Variants in PIEZO1 observed in about 807,000 individuals in gnomAD.
PIEZO1 encodes the protein piezo type mechanosensitive ion channel component 1 (Er blood group), also known as piezo-type mechanosensitive ion channel component 1.
In PIEZO1, 296 loss-of-function variants were observed where a neutral mutation model predicts 297.2. The observed-to-expected ratio is 1.00, with a 90% CI of 0.91 to 1.10. The LOEUF (loss-of-function observed/expected upper bound fraction) is 1.10, where lower values mean the gene tolerates loss of function less well. PIEZO1 is among the 50% of genes least tolerant of loss of function. The pLI is 0.00. For synonymous variants in PIEZO1, 2,427 were observed against 1,507.5 expected, an observed-to-expected ratio of 1.61 and a Z score of -14.13; for missense variants, 5,018 against 3,455.5, an observed-to-expected ratio of 1.45 and a Z score of -11.34.
At position 88,721,163 on chromosome 16, in the gene PIEZO1, T is replaced by G; in HGVS notation, c.5668+3A>C. 1 of 1,498,026 alleles carries G rather than the reference T, an allele frequency of 6.7e-7. No individual in the cohort carries two copies. The highest frequency in any genetic ancestry group is 8.9e-7 in the Non-Finnish European group (1 of 1,124,802). 92.8% of individuals were successfully genotyped at this position (1,498,026 alleles called of 1,614,324 possible). A position where few individuals can be genotyped will look rare whatever the true frequency, so the allele number is the denominator to read the frequency against. ...AGGAGGTTGTGAGGCAGGGCGCTTA[T>G]ACCGATGGCTGCCGCTCCTTTCCGT... is the stretch of plus-strand genomic sequence containing the variant. On this transcript the variant is annotated splice_donor_region_variant and intron_variant, in intron 39 of 50. Coordinates refer to ENST00000301015, the MANE Select transcript of PIEZO1 (RefSeq NM_001142864.4).
intron 22 of PIEZO1, among the ~76,000 whole-genome samples, chr16:88,730,671 A>T (rs958676368): frequency 2.7e-5 from 4 of 150,482 alleles, no homozygotes; most frequent in African/African-American, 9.8e-5. Flanking sequence ...GCCTCAAGGG[A>T]TGCTCCTGCC....
rs766662645 is a variant in PIEZO1 at position 88,721,186 on chromosome 16, C to G, written c.5648G>C (p.Arg1883Pro). The G allele has an allele frequency of 6.6e-7, 1 of 1,507,920 alleles. No homozygotes were observed. The highest frequency in any genetic ancestry group is 1.7e-4 in the Middle Eastern group (1 of 5,826). The allele number at this position is 1,507,920 out of a possible 1,614,324, so 93.4% of individuals were successfully genotyped here. The change falls in exon 39 of 51, where the codon CGG becomes CCG. Residue 1883 changes from arginine to proline, a missense_variant. Arg to Pro is a moderately radical substitution (Grantham distance 103). Coordinates refer to ENST00000301015, the MANE Select transcript of PIEZO1 (RefSeq NM_001142864.4). Reference sequence around the variant, plus strand: ...TATACCGATGGCTGCCGCTCCTTTCCGTGCTGGGCCCTCCTTCTTCCTTCT... The same window carrying G: ...TATACCGATGGCTGCCGCTCCTTTCGGTGCTGGGCCCTCCTTCTTCCTTCT... ...FRRRKKEGPARKGAAAIEAED... is the reference protein window; with the variant it reads ...FRRRKKEGPAPKGAAAIEAED...
chr16:88,776,374 C>T (rs1907663951), intron 1 of PIEZO1, among the ~76,000 whole-genome samples: 1 of 151,962 alleles, frequency 6.6e-6, no homozygotes, highest in South Asian at 2.1e-4. Context: ...GCAGAGCTTG[C>T]AGTGAGCCCA....
chr16:88,722,193 G>T, intron 36 of PIEZO1, 25 bp downstream of exon 36: 2 of 1,539,454 alleles, frequency 1.3e-6, no homozygotes, highest in South Asian at 2.4e-5. Flanking sequence ...TGGTGAGGCT[G>T]GTGTTGTGCG....
rs776062059 is a variant in PIEZO1 at position 88,716,132 on chromosome 16, GAGA to G, written c.7130-16_7130-14del. On this transcript the variant is annotated splice_polypyrimidine_tract_variant and intron_variant, in intron 49 of 50. Coordinates refer to ENST00000301015, the MANE Select transcript of PIEZO1 (RefSeq NM_001142864.4). Reference sequence around the variant, plus strand: ...TCGGCCTCCTCATCTGGGATGGAGGGAGAAGATCGTTGAGGCCGCAGGTCACCC... The same window carrying G: ...TCGGCCTCCTCATCTGGGATGGAGGGAGATCGTTGAGGCCGCAGGTCACCC... 6 of 1,537,222 alleles carry G rather than the reference GAGA, an allele frequency of 3.9e-6. No homozygotes were observed. Among genetic ancestry groups the G allele is most frequent in the African/African-American group, 2.7e-5 (2 of 72,842 alleles).
chr16:88,732,578 C>CCCAG, intron 20 of PIEZO1, 29 bp downstream of exon 20: 3 of 1,543,232 alleles, frequency 1.9e-6, no homozygotes, highest in Admixed American at 3.9e-5. Context: ...TACTCGCCCG[C>CCCAG]CCAGCCGCCC....
At chr16:88,723,050 G>A (rs924269674) in intron 33 of PIEZO1, 41 bp from the exon 34 acceptor site, 6 of 1,543,454 alleles carry the variant, frequency 3.9e-6, no homozygotes, top group Non-Finnish European at 5.2e-6. Flanking sequence ...GGCAGCCTGT[G>A]GGGCCAAGAG....
rs761870674 is a variant in PIEZO1, at chr16:88,723,083, G to C, written c.4495+12C>G. The C allele has an allele frequency of 5.8e-6, 9 of 1,546,988 alleles. No homozygotes were observed. The highest frequency in any genetic ancestry group is 2.0e-5 in the Admixed American group (1 of 50,972). On this transcript the variant is annotated intron_variant, in intron 33 of 50. Coordinates refer to ENST00000301015, the MANE Select transcript of PIEZO1 (RefSeq NM_001142864.4). ...GAGAGACCTCCCACTCCCCAGCCCC[G>C]GGCCCACGTACCTGCCGCTGCCTCC...
intron 1 of PIEZO1, among the ~76,000 whole-genome samples, chr16:88,751,657 C>T (rs961030049): frequency 6.7e-5 from 10 of 149,828 alleles, no homozygotes; most frequent in Non-Finnish European, 1.3e-4. Flanking sequence ...AGTTTTTTGA[C>T]GATTATACAT....
At chr16:88,721,090 T>A in intron 39 of PIEZO1, 76 bp downstream of exon 39, 2 of 1,382,042 alleles carry the variant, frequency 1.4e-6, no homozygotes, top group Non-Finnish European at 1.9e-6. Flanking sequence ...CCGTCTCATC[T>A]GAGAAAGACC....
At chr16:88,742,755 G>A (rs1162308599) in intron 2 of PIEZO1, 3 of 359,138 alleles carry the variant, frequency 8.4e-6, no homozygotes, top group East Asian at 1.4e-4. Flanking sequence ...GTTCAGTTGT[G>A]GAAGCAGAGG....
In PIEZO1 at chr16:88,716,369, G is replaced by A. The variant is rs34352064; in HGVS notation, c.7041C>T (p.Asp2347=). Reference sequence around the variant, plus strand: ...CCGGGCCCTTCACTCACACAGACTGGTCCGAGGTGCCCTCGAGCAGGCTGG... The same window carrying A: ...CCGGGCCCTTCACTCACACAGACTGATCCGAGGTGCCCTCGAGCAGGCTGG... ...QLASLLEGTS[D]QSVVIPNLFP... is the part of the protein sequence containing the mutation. The change falls in exon 48 of 51, where the codon GAC becomes GAT. Residue 2347 remains aspartate, a synonymous_variant. Coordinates refer to ENST00000301015, the MANE Select transcript of PIEZO1 (RefSeq NM_001142864.4). The A allele has an allele frequency of 7.9e-3, 12,107 of 1,540,866 alleles. 57 individuals are homozygous for A. Among genetic ancestry groups the A allele is most frequent in the Admixed American group, 9.6e-3 (484 of 50,270 alleles).
At chr16:88,735,269 C>T in intron 12 of PIEZO1, 23 bp from the exon 13 acceptor site, 2 of 1,515,132 alleles carry the variant, frequency 1.3e-6, no homozygotes, top group African/African-American at 1.4e-5. Flanking sequence ...CAGGGTGTCA[C>T]AGTCAGCCGG....
Position 88,723,292 on chromosome 16 carries a change from C to A in PIEZO1, c.4372G>T (p.Val1458Leu). 1 of 1,540,540 alleles carries A rather than the reference C, an allele frequency of 6.5e-7. No individual in the cohort carries two copies. Among genetic ancestry groups the A allele is most frequent in the Non-Finnish European group, 8.7e-7 (1 of 1,146,780 alleles). Residue 1458 changes from valine (V) to leucine (L), a missense_variant, in exon 32 of 51, where the codon GTG becomes TTG. Transcript: ENST00000301015. The part of the protein sequence containing the change: ...YQAWVTNAQA[V>L]LRRRQQEQEQ... ...TGCTCCTGCTGCCGCCGCCTCAGCACCGCCTGGGCGTTGGTCACCCATGCC... is the reference window on the plus strand; with the variant it reads ...TGCTCCTGCTGCCGCCGCCTCAGCAACGCCTGGGCGTTGGTCACCCATGCC...
intron 1 of PIEZO1, among the ~76,000 whole-genome samples, chr16:88,755,448 C>A (rs1190530584): frequency 2.0e-5 from 3 of 152,204 alleles, no homozygotes; most frequent in Non-Finnish European, 4.4e-5. Context: ...AGGAATCTGG[C>A]CACCCCACCC....
At chr16:88,739,975 G>A (rs150425610) in intron 5 of PIEZO1, 2,555 of 151,848 alleles carry the variant, frequency 0.017, 52 homozygotes, top group South Asian at 0.074. Flanking sequence ...GGGCAGGCCC[G>A]GCCCTGACTT....
chr16:88,738,812 C>T, intron 5 of PIEZO1, 76 bp from the exon 6 acceptor site: 4 of 1,367,662 alleles, frequency 2.9e-6, no homozygotes, highest in South Asian at 1.4e-5. Context: ...CCTGCCCAGC[C>T]AGGAGCGTGG....
At position 88,720,512 on chromosome 16, in the gene PIEZO1, G is replaced by T. The variant is rs761049480; in HGVS notation, c.5822C>A (p.Pro1941Gln). ...CLSLAQGTYR[P>Q]LRRFFHDILH... ...GATGTCGTGGAAGAAGCGCCGTAGC[G>T]GCCGATATGTGCCCTGGGCCCTGCG... Residue 1941 changes from proline to glutamine, a missense_variant, in exon 41 of 51, where the codon CCG (proline) becomes CAG (glutamine). By Grantham distance (76) the Pro-to-Gln change is moderately conservative. Coordinates refer to ENST00000301015, the MANE Select transcript of PIEZO1 (RefSeq NM_001142864.4). 3.9e-6 allele frequency: 6 copies of T among 1,550,062 alleles called. No homozygotes were observed. In the African/African-American group the frequency reaches 5.5e-5, roughly 14 times the overall value.
chr16:88,745,115 A>T (rs1442291948), intron 2 of PIEZO1: 1 of 113,544 alleles, frequency 8.8e-6, no homozygotes, highest in African/African-American at 3.4e-5. Context: ...CAAAGCTGGG[A>T]AAACCAGGCT....
Sources: allele counts gnomAD v4.1 joint callset (sites outside exome capture counted in the v4.1 genomes callset), GRCh38; gene constraint gnomAD v4.1.1; transcripts MANE v1.5; gene names NCBI Gene and HGNC (gene_info 2026-07-23, HGNC 2026-07-21).